The following TMEM132D variants were observed in gnomAD, a reference collection of about 807,000 sequenced individuals.
TMEM132D encodes the protein mature OL transmembrane protein.
In TMEM132D, 21 loss-of-function variants were observed where a neutral mutation model predicts 62.3. That is an observed-to-expected ratio of 0.34 (90% CI 0.24 to 0.49). TMEM132D has a LOEUF of 0.49. TMEM132D is among the 20% of genes least tolerant of loss of function. TMEM132D has a pLI of 0.99. For synonymous variants in TMEM132D, 621 were observed against 575.6 expected, an observed-to-expected ratio of 1.08 and a Z score of -1.13; for missense variants, 1,346 against 1,402.8, an observed-to-expected ratio of 0.96 and a Z score of 0.65.
chr12:129,252,237 C>A (rs1467811820), intron 4 of TMEM132D, among the ~76,000 whole-genome samples: 1 of 152,020 alleles, frequency 6.6e-6, no homozygotes, highest in Non-Finnish European at 1.5e-5. Flanking sequence ...ATAAACATAC[C>A]ATCTCAGCCC....
At chr12:129,523,587 C>T (rs796199744) in intron 3 of TMEM132D, among the ~76,000 whole-genome samples, 91 of 152,180 alleles carry the variant, frequency 6.0e-4, no homozygotes, top group African/African-American at 2.1e-3. Flanking sequence ...CCGTTACCCA[C>T]GAAAAGTGGA....
At chr12:129,092,740 A>G (rs56376873) in intron 5 of TMEM132D, among the ~76,000 whole-genome samples, 71 of 152,336 alleles carry the variant, frequency 4.7e-4, no homozygotes, top group African/African-American at 1.7e-3. Context: ...CAATAATAGT[A>G]GTGGCTAATA....
intron 1 of TMEM132D, among the ~76,000 whole-genome samples, chr12:129,792,529 AG>A (rs1490948318): frequency 6.6e-6 from 1 of 152,180 alleles, no homozygotes; most frequent in Non-Finnish European, 1.5e-5. Flanking sequence ...AAAACCTGTG[AG>A]GCACCAGGCG....
At chr12:129,687,796 C>T (rs552381573) in intron 2 of TMEM132D, among the ~76,000 whole-genome samples, 2 of 152,252 alleles carry the variant, frequency 1.3e-5, no homozygotes, top group East Asian at 3.9e-4. Context: ...TTCTACTCAT[C>T]TCTGGAACCC....
Position 129,539,954 on chromosome 12 carries a change from G to A in TMEM132D, c.969-8749C>T, listed in dbSNP as rs547040205. Reference sequence around the variant, plus strand: ...ACATGGCCCAGAGGGTGAGCCAAGCGTGGTGTCAAGTCTCCGGCCAGGCTG... The same window carrying A: ...ACATGGCCCAGAGGGTGAGCCAAGCATGGTGTCAAGTCTCCGGCCAGGCTG... On this transcript the variant is annotated intron_variant, in intron 2 of 8. Transcript: ENST00000422113. 5.3e-5 allele frequency among the ~76,000 whole-genome samples: 8 copies of A among 152,162 alleles called. No homozygotes were observed. In the South Asian group the frequency reaches 6.2e-4, roughly 12 times the overall value.
chr12:129,211,173 T>A (rs1249238270), intron 4 of TMEM132D: 1 of 152,226 alleles, frequency 6.6e-6, no homozygotes, highest in Non-Finnish European at 1.5e-5. Context: ...TGTTCTTTGC[T>A]CAGTTTCAGC....
intron 5 of TMEM132D, among the ~76,000 whole-genome samples, chr12:129,113,665 A>G (rs945356004): frequency 6.6e-6 from 1 of 151,678 alleles, no homozygotes; most frequent in African/African-American, 2.4e-5. Flanking sequence ...GCCAGCGAAA[A>G]CCCCATTGAA....
chr12:129,663,684 C>T (rs1183731080), intron 2 of TMEM132D, among the ~76,000 whole-genome samples: 1 of 152,096 alleles, frequency 6.6e-6, no homozygotes, highest in African/African-American at 2.4e-5. Flanking sequence ...GCAGGGTGAC[C>T]AGGAATTACT....
At chr12:129,417,757 G>C (rs1872173302) in intron 3 of TMEM132D, among the ~76,000 whole-genome samples, 2 of 152,268 alleles carry the variant, frequency 1.3e-5, no homozygotes, top group East Asian at 1.9e-4. Flanking sequence ...TCATCAGAGT[G>C]AACAGGCAAC....
intron 4 of TMEM132D, among the ~76,000 whole-genome samples, chr12:129,220,844 AT>A (rs886404032): frequency 1.6e-4 from 24 of 150,986 alleles, no homozygotes; most frequent in African/African-American, 5.6e-4. Flanking sequence ...GTATAAAAAG[AT>A]TTTTTTCCTC....
At position 129,886,629 on chromosome 12, in the gene TMEM132D, G is replaced by A. The variant is rs560899449; in HGVS notation, c.79+16632C>T. Among the ~76,000 whole-genome samples, 5 of 152,276 alleles carry A rather than the reference G, an allele frequency of 3.3e-5. No homozygotes were observed. The South Asian group carries it at 8.3e-4, about 25-fold the overall frequency. On this transcript the variant is annotated intron_variant, in intron 1 of 8. Coordinates refer to ENST00000422113, the MANE Select transcript of TMEM132D (RefSeq NM_133448.3). Reference sequence around the variant, plus strand: ...AAGGTAAATAACTTGGTATTGCCATGCATCGCCAGGGCCAGGGAGAACACA... The same window carrying A: ...AAGGTAAATAACTTGGTATTGCCATACATCGCCAGGGCCAGGGAGAACACA...
At chr12:129,391,202 G>A (rs1351579) in intron 3 of TMEM132D, among the ~76,000 whole-genome samples, 6,127 of 152,132 alleles carry the variant, frequency 0.04, 531 homozygotes, top group East Asian at 0.36. Context: ...TTCCTCACAC[G>A]ATGATAACAA....
At chr12:129,180,686 T>A (rs1043520243) in intron 5 of TMEM132D, among the ~76,000 whole-genome samples, 2 of 152,188 alleles carry the variant, frequency 1.3e-5, no homozygotes, top group Admixed American at 6.5e-5. Context: ...TGGACCCAAA[T>A]GACACGAAGG....
chr12:129,075,965 G>A (rs1177734133), intron 8 of TMEM132D, among the ~76,000 whole-genome samples: 4 of 140,768 alleles, frequency 2.8e-5, no homozygotes, highest in East Asian at 5.1e-4. Context: ...CCCCAAGCCC[G>A]AGATGATGAA....
intron 5 of TMEM132D, among the ~76,000 whole-genome samples, chr12:129,200,679 G>A (rs1360653282): frequency 1.3e-5 from 2 of 152,192 alleles, no homozygotes; most frequent in Non-Finnish European, 2.9e-5. Flanking sequence ...GTTGTCGGGC[G>A]CCCAGCTGGA....
chr12:129,861,997 C>T (rs1873915447), intron 1 of TMEM132D, among the ~76,000 whole-genome samples: 1 of 152,108 alleles, frequency 6.6e-6, no homozygotes, highest in Non-Finnish European at 1.5e-5. Flanking sequence ...ATTGCATCCA[C>T]AACCAATCAG....
intron 4 of TMEM132D, among the ~76,000 whole-genome samples, chr12:129,234,318 A>G (rs1879725214): frequency 6.6e-6 from 1 of 152,218 alleles, no homozygotes; most frequent in South Asian, 2.1e-4. Flanking sequence ...ATGAAGAGAC[A>G]TGATCTGTCT....
At chr12:129,521,759 A>G (rs891102049) in intron 3 of TMEM132D, 2 of 152,174 alleles carry the variant, frequency 1.3e-5, no homozygotes, top group African/African-American at 4.8e-5. Context: ...CGTTGCTTAA[A>G]TGTACCACGG....
intron 1 of TMEM132D, among the ~76,000 whole-genome samples, chr12:129,747,790 GAC>G (rs1199391675): frequency 3.5e-5 from 5 of 142,522 alleles, no homozygotes; most frequent in East Asian, 2.1e-4. Context: ...TCACACACTC[GAC>G]ACAGACACAT....
Sources: allele counts gnomAD v4.1 joint callset (sites outside exome capture counted in the v4.1 genomes callset), GRCh38; gene constraint gnomAD v4.1.1; transcripts MANE v1.5; gene names NCBI Gene and HGNC (gene_info 2026-07-23, HGNC 2026-07-21).